DNAH2: variants seen among roughly 807,000 people sequenced by gnomAD.
The protein encoded by DNAH2 is dynein axonemal heavy chain 2.
DNAH2 carries 323 observed loss-of-function variants against 523.5 expected under a neutral mutation model. The ratio of observed to expected loss-of-function variants is 0.62; its 90% CI spans 0.56 to 0.68. The LOEUF is 0.68. Among genes scored for constraint, DNAH2 ranks in the 30% least tolerant of loss-of-function variants. DNAH2 has a pLI of 0.00. For missense variants in DNAH2, 4,907 were observed against 5,701.5 expected, an observed-to-expected ratio of 0.86 and a Z score of 4.49; for synonymous variants, 2,093 against 2,177.4, an observed-to-expected ratio of 0.96 and a Z score of 1.08.
chr17:7,743,225 CTCT>C (rs750356150), intron 12 of DNAH2, 83 bp downstream of exon 12: 6 of 1,314,812 alleles, frequency 4.6e-6, no homozygotes, highest in Non-Finnish European at 6.5e-6. Flanking sequence ...TTTGACTCCT[CTCT>C]TCATTATTCT....
chr17:7,764,015 AAGG>A lies in DNAH2; in HGVS notation c.3166_3168del (p.Glu1056del), dbSNP rs2076081554. 6.2e-7 allele frequency: 1 copy of A among 1,613,988 alleles called. No homozygotes were observed. Among genetic ancestry groups the A allele is most frequent in the Non-Finnish European group, 8.5e-7 (1 of 1,180,018 alleles). On this transcript the variant is annotated inframe_deletion, in exon 19 of 86. Transcript: ENST00000572933. ...CCTCCTGGAGCTGCACACCTACCTG[AAGG>A]AGAACGCAGAGAAGTGCGGGCTGGG...
chr17:7,754,857 T>A lies in DNAH2; in HGVS notation c.1905-2234T>A, dbSNP rs115340857. 1.5e-6 allele frequency: 1 copy of A among 655,998 alleles called. No homozygotes were observed. Among genetic ancestry groups the A allele is most frequent in the East Asian group, 2.5e-5 (1 of 39,894 alleles). The allele number at this position is 655,998 out of a possible 1,614,324, so 40.6% of individuals were successfully genotyped here. A position where few individuals can be genotyped will look rare whatever the true frequency, so the allele number is the denominator to read the frequency against. On this transcript the variant is annotated intron_variant, in intron 12 of 85. Coordinates refer to ENST00000572933, the MANE Select transcript of DNAH2 (RefSeq NM_020877.5). The surrounding 1 kb of genome is among the most constrained non-coding windows in gnomAD (Gnocchi z 4.6). ...CCCTACAAAGACTTCAGAGTAGATA[T>A]CTCTGTCTGCCAACGTGAGGACAGA... is the stretch of plus-strand genomic sequence containing the variant.
chr17:7,739,694 G>C, intron 8 of DNAH2, 39 bp from the exon 9 acceptor site: 2 of 1,593,686 alleles, frequency 1.3e-6, no homozygotes, highest in Non-Finnish European at 1.7e-6. Flanking sequence ...TTGGAGTTTG[G>C]AAGGAAAGCA....
intron 79 of DNAH2, 27 bp downstream of exon 79, chr17:7,830,869 G>T: frequency 6.2e-7 from 1 of 1,612,782 alleles, no homozygotes; most frequent in Non-Finnish European, 8.5e-7. Flanking sequence ...CCTGGACAGG[G>T]AGCCAGAGGT....
Position 7,754,550 on chromosome 17 carries a change from G to T in DNAH2, c.1905-2541G>T. ...AAGAAGCACAAAAGAAGGGCCTAAA[G>T]AAGATGCACACCAACAATGCCAAGG... is the stretch of plus-strand genomic sequence containing the variant. On this transcript the variant is annotated intron_variant, in intron 12 of 85. Coordinates refer to ENST00000572933, the MANE Select transcript of DNAH2 (RefSeq NM_020877.5). The surrounding 1 kb of genome is among the most constrained non-coding windows in gnomAD (Gnocchi z 4.6). The T allele has an allele frequency of 7.7e-7, 1 of 1,295,134 alleles. No individual in the cohort carries two copies. Among genetic ancestry groups the T allele is most frequent in the Non-Finnish European group, 1.1e-6 (1 of 909,392 alleles). The allele number at this position is 1,295,134 out of a possible 1,614,324, so 80.2% of individuals were successfully genotyped here. A position where few individuals can be genotyped will look rare whatever the true frequency, so the allele number is the denominator to read the frequency against.
intron 77 of DNAH2, among the ~76,000 whole-genome samples, chr17:7,830,087 A>G (rs1321119556): frequency 6.6e-6 from 1 of 151,736 alleles, no homozygotes; most frequent in Non-Finnish European, 1.5e-5. Flanking sequence ...GCAAGCCCAT[A>G]CAATGCCTAT....
chr17:7,801,920 T>C lies in DNAH2; in HGVS notation c.8875T>C (p.Ser2959Pro). 6.2e-7 allele frequency: 1 copy of C among 1,614,170 alleles called. No individual in the cohort carries two copies. Among genetic ancestry groups the C allele is most frequent in the East Asian group, 2.2e-5 (1 of 44,884 alleles). Reference sequence around the variant, plus strand: ...CCAGATCTTTGTCACTATGCACTGGTCAGTAGCTCAGTATTCCCAGAAGAT... The same window carrying C: ...CCAGATCTTTGTCACTATGCACTGGCCAGTAGCTCAGTATTCCCAGAAGAT... The part of the protein sequence containing the change: ...VAQIFVTMHW[S>P]VAQYSQKMLL... Residue 2959 changes from serine to proline, a missense_variant, in exon 58 of 86, where the codon TCA becomes CCA. Ser to Pro is a moderately conservative substitution (Grantham distance 74). Around this residue, in one of 3 missense-constraint regions of DNAH2, gnomAD observed 1,851 missense variants for 2,139.4 expected, o/e 0.87. Transcript: ENST00000572933.
Position 7,824,660 on chromosome 17 carries a change from T to A in DNAH2, c.11786T>A (p.Ile3929Asn). 6.2e-7 allele frequency: 1 copy of A among 1,606,898 alleles called. No individual in the cohort carries two copies. The highest frequency in any genetic ancestry group is 8.5e-7 in the Non-Finnish European group (1 of 1,175,410). ...TCCTTCCGCCTCTGGCTCAGCTCCATCCCCCACCCAGACTTCCCTATCTCA... is the reference window on the plus strand; with the variant it reads ...TCCTTCCGCCTCTGGCTCAGCTCCAACCCCCACCCAGACTTCCCTATCTCA... ...HPSFRLWLSS[I>N]PHPDFPISIL... Residue 3929 changes from isoleucine to asparagine, a missense_variant, in exon 77 of 86, where the codon ATC becomes AAC. Transcript: ENST00000572933.
chr17:7,754,471 T>C lies in DNAH2; in HGVS notation c.1905-2620T>C, dbSNP rs902411374. The stretch of plus-strand genomic sequence containing the variant: ...TATCAAGAAACCGCGATCACAAAGA[T>C]ACAAATCTCTTAAGGGGGTGGACTC... On this transcript the variant is annotated intron_variant, in intron 12 of 85. Transcript: ENST00000572933. The surrounding 1 kb of genome is among the most constrained non-coding windows in gnomAD (Gnocchi z 4.6). 28 of 699,452 alleles carry C rather than the reference T, an allele frequency of 4.0e-5. No homozygotes were observed. The highest frequency in any genetic ancestry group is 6.4e-5 in the Non-Finnish European group (26 of 403,340). The allele number at this position is 699,452 out of a possible 1,614,324, so 43.3% of individuals were successfully genotyped here. A position where few individuals can be genotyped will look rare whatever the true frequency, so the allele number is the denominator to read the frequency against.
rs922641112 is a variant in DNAH2 at position 7,795,331 on chromosome 17, A to T, written c.7674+973A>T. Among the ~76,000 whole-genome samples, 13 of 152,100 alleles carry T rather than the reference A, an allele frequency of 8.5e-5. No individual in the cohort carries two copies. In the East Asian group the frequency reaches 2.1e-3, roughly 25 times the overall value. ...AATCCCCATCTGGTCTTTATTTTAAATGTTTGTGTTTGTTCCTCATGAATA... is the reference window on the plus strand; with the variant it reads ...AATCCCCATCTGGTCTTTATTTTAATTGTTTGTGTTTGTTCCTCATGAATA... On this transcript the variant is annotated intron_variant, in intron 49 of 85. Transcript: ENST00000572933.
intron 59 of DNAH2, 23 bp downstream of exon 59, chr17:7,804,489 C>T: frequency 6.2e-7 from 1 of 1,609,626 alleles, no homozygotes. Context: ...CGCCCACCCC[C>T]CGTGCCCCAC....
At chr17:7,743,735 C>T (rs1383411452) in intron 12 of DNAH2, 3 of 201,562 alleles carry the variant, frequency 1.5e-5, no homozygotes, top group Non-Finnish European at 3.0e-5. Context: ...ACTAGATGGC[C>T]ATAATGGCTC....
Position 7,740,957 on chromosome 17 carries a change from C to T in DNAH2, c.1654C>T (p.His552Tyr). 1 of 1,609,080 alleles carries T rather than the reference C, an allele frequency of 6.2e-7. No individual in the cohort carries two copies. Among genetic ancestry groups the T allele is most frequent in the African/African-American group, 1.3e-5 (1 of 74,972 alleles). The change falls in exon 11 of 86, where the codon CAC becomes TAC. Residue 552 changes from histidine to tyrosine, a missense_variant. His to Tyr is a moderately conservative substitution (Grantham distance 83). Transcript: ENST00000572933. ...AQYSGKARWV[H>Y]ILRRRIDRVM... ...GTATTCCGGAAAGGCGCGCTGGGTG[C>T]ACATCCTCCGGCGTCGCATCGACAG...
intron 44 of DNAH2, among the ~76,000 whole-genome samples, chr17:7,791,432 T>C (rs903501711): frequency 3.3e-5 from 5 of 152,228 alleles, no homozygotes; most frequent in Admixed American, 3.3e-4. Flanking sequence ...GTCCGTTAAA[T>C]TAACAATATG....
intron 36 of DNAH2, 81 bp downstream of exon 36, chr17:7,779,504 C>A: frequency 3.5e-6 from 5 of 1,417,994 alleles, no homozygotes; most frequent in Non-Finnish European, 2.9e-6. Flanking sequence ...TCCTCCTCTT[C>A]CCCCTTCCAT....
rs1195896790 is a variant in DNAH2, at chr17:7,828,053, A to C, written c.11854-2247A>C. 3.3e-5 allele frequency among the ~76,000 whole-genome samples: 5 copies of C among 151,782 alleles called. No individual in the cohort carries two copies. Among genetic ancestry groups the C allele is most frequent in the Non-Finnish European group, 7.4e-5 (5 of 67,970 alleles). On this transcript the variant is annotated intron_variant, in intron 77 of 85. Transcript: ENST00000572933. This position sits in a 1 kb window ranked among gnomAD's most constrained non-coding sequence, Gnocchi z 4.1. ...AGGCTCTAGCAATCTTTCCACCTGCACCTCACAGGTGTGTGCCACCACTCT... is the reference window on the plus strand; with the variant it reads ...AGGCTCTAGCAATCTTTCCACCTGCCCCTCACAGGTGTGTGCCACCACTCT...
In DNAH2 at chr17:7,786,119, C is replaced by T; in HGVS notation, c.6130-5C>T. ...TTCTGCTTGCTGTGTTTTCCCTTCC[C>T]TCAGCTGCGGGAGACCGTTGAGCAG... On this transcript the variant is annotated splice_region_variant and splice_polypyrimidine_tract_variant and intron_variant, in intron 39 of 85. Transcript: ENST00000572933. The surrounding 1 kb of genome is among the most constrained non-coding windows in gnomAD (Gnocchi z 7.5). 1 of 1,613,890 alleles carries T rather than the reference C, an allele frequency of 6.2e-7. No homozygotes were observed. Among genetic ancestry groups the T allele is most frequent in the Non-Finnish European group, 8.5e-7 (1 of 1,179,980 alleles).
In DNAH2 at chr17:7,828,514, A is replaced by C. The variant is rs990800783; in HGVS notation, c.11854-1786A>C. ...TAGCCCAGGTGGAGTGCAGTGGTAC[A>C]ATCATAGCACAATGGGATTGCGGGT... On this transcript the variant is annotated intron_variant, in intron 77 of 85. Coordinates refer to ENST00000572933, the MANE Select transcript of DNAH2 (RefSeq NM_020877.5). The surrounding 1 kb of genome is among the most constrained non-coding windows in gnomAD (Gnocchi z 4.1). 1.3e-5 allele frequency among the ~76,000 whole-genome samples: 2 copies of C among 152,144 alleles called. No individual in the cohort carries two copies. Among genetic ancestry groups the C allele is most frequent in the Non-Finnish European group, 2.9e-5 (2 of 68,038 alleles).
At position 7,777,529 on chromosome 17, in the gene DNAH2, G is replaced by A. The variant is rs867709885; in HGVS notation, c.5142G>A (p.Thr1714=). Reference sequence around the variant, plus strand: ...GGCTTAAAATTGTGGCTCTGGTGACGATAGAAATTCATGCCCGGGATGTGT... The same window carrying A: ...GGCTTAAAATTGTGGCTCTGGTGACAATAGAAATTCATGCCCGGGATGTGT... ...IMRLKIVALV[T]IEIHARDVLE... Residue 1714 remains threonine, a synonymous_variant, in exon 33 of 86, where the codon ACG becomes ACA. Transcript: ENST00000572933. 28 of 1,614,046 alleles carry A rather than the reference G, an allele frequency of 1.7e-5. No homozygotes were observed. Among genetic ancestry groups the A allele is most frequent in the Middle Eastern group, 1.6e-4 (1 of 6,084 alleles).
Sources: gnomAD v4.1 joint callset for allele counts (sites outside exome capture counted in the v4.1 genomes callset) on GRCh38, gnomAD v4.1.1 for gene constraint, gnomAD v4.1.1 regional missense constraint, Gnocchi (gnomAD v3.1) non-coding constraint, MANE v1.5 for transcripts, NCBI Gene and HGNC (gene_info 2026-07-23, HGNC 2026-07-21) for gene names.